Variants in ATG16L1 observed in about 807,000 individuals in gnomAD.
The protein encoded by ATG16L1 is autophagy-related protein 16-1.
A neutral mutation model predicts 88.5 loss-of-function variants in ATG16L1; 37 were observed. That is an observed-to-expected ratio of 0.42 (90% CI 0.32 to 0.55). The LOEUF is 0.55. Ranked by LOEUF, ATG16L1 falls within the 20% of genes least tolerant of loss-of-function variation. The probability of loss-of-function intolerance (pLI) is 0.13; values close to 1 mark genes in which losing one functional copy is unlikely to be tolerated. For missense variants in ATG16L1, 554 were observed against 752.8 expected, an observed-to-expected ratio of 0.74 and a Z score of 3.09; for synonymous variants, 301 against 281.0, an observed-to-expected ratio of 1.07 and a Z score of -0.71.
intron 2 of ATG16L1, among the ~76,000 whole-genome samples, chr2:233,257,999 C>T (rs1696915858): frequency 9.0e-6 from 1 of 110,654 alleles, no homozygotes; most frequent in Non-Finnish European, 1.8e-5. Flanking sequence ...GAGACTCCGT[C>T]TCAAAAAAAA....
chr2:233,274,033 T>C (rs565076810), intron 8 of ATG16L1: 125 of 1,550,672 alleles, frequency 8.1e-5, no homozygotes, highest in Middle Eastern at 1.7e-4. Context: ...CTTCTTCTGA[T>C]GCTGCCAGGT....
rs978478447 is a variant in ATG16L1 at position 233,295,552 on chromosome 2, TAAGTC to T, written c.*1206_*1210del. 12 of 152,750 alleles carry T rather than the reference TAAGTC, an allele frequency of 7.9e-5. No individual in the cohort carries two copies. The highest frequency in any genetic ancestry group is 2.4e-4 in the African/African-American group (10 of 41,430). 9.5% of individuals were successfully genotyped at this position (152,750 alleles called of 1,614,324 possible). ...TTTCCAATTTGCCCTTCAGAGAACT[TAAGTC>T]AAGGAGAGTTGAAATTCACAGGCCA... On this transcript the variant is annotated 3_prime_UTR_variant, in exon 18 of 18. Coordinates refer to ENST00000392017, the MANE Select transcript of ATG16L1 (RefSeq NM_030803.7).
chr2:233,272,977 T>C lies in ATG16L1; in HGVS notation c.719T>C (p.Ile240Thr). Residue 240 changes from isoleucine to threonine, a missense_variant, in exon 7 of 18, where the codon ATT becomes ACT. Coordinates refer to ENST00000392017, the MANE Select transcript of ATG16L1 (RefSeq NM_030803.7). ...GCCTTTCTTTCCAGGGATGATGACA[T>C]TGAGGTCATTGTGGATGAAACTTCT... ...EPLPVEQDDD[I>T]EVIVDETSDH... The C allele has an allele frequency of 6.2e-7, 1 of 1,613,824 alleles. No individual in the cohort carries two copies. Among genetic ancestry groups the C allele is most frequent in the Non-Finnish European group, 8.5e-7 (1 of 1,179,748 alleles).
chr2:233,265,398 A>G (rs549328439), intron 5 of ATG16L1, among the ~76,000 whole-genome samples: 2 of 152,360 alleles, frequency 1.3e-5, no homozygotes, highest in East Asian at 3.9e-4. Flanking sequence ...TGATCTTGCT[A>G]ATGCACAAGA....
At chr2:233,291,626 A>G (rs1422943233) in intron 14 of ATG16L1, among the ~76,000 whole-genome samples, 1 of 152,068 alleles carries the variant, frequency 6.6e-6, no homozygotes, top group Non-Finnish European at 1.5e-5. Flanking sequence ...AAGAAGAGGG[A>G]GGTGCGTAGG....
intron 8 of ATG16L1, 48 bp downstream of exon 8, chr2:233,273,825 G>A: frequency 2.5e-6 from 4 of 1,585,564 alleles, no homozygotes; most frequent in Middle Eastern, 1.7e-4. Flanking sequence ...GTATACCTAA[G>A]TATATGTACA....
At chr2:233,278,086 A>G (rs1043521347) in intron 10 of ATG16L1, among the ~76,000 whole-genome samples, 1 of 152,190 alleles carries the variant, frequency 6.6e-6, no homozygotes, top group Non-Finnish European at 1.5e-5. Context: ...TTTAATGACA[A>G]TTGCAATAGC....
At chr2:233,289,410 A>G (rs934419634) in intron 12 of ATG16L1, among the ~76,000 whole-genome samples, 10 of 40,134 alleles carry the variant, frequency 2.5e-4, no homozygotes, top group African/African-American at 8.0e-4. Context: ...TGTGTGTGTG[A>G]CAGGATCTTG....
At chr2:233,253,332 G>GTTTT (rs570754671) in intron 1 of ATG16L1, among the ~76,000 whole-genome samples, 2,534 of 112,492 alleles carry the variant, frequency 0.023, 262 homozygotes, top group East Asian at 0.042. Flanking sequence ...GTGAGACTGG[G>GTTTT]TTTTTTTGTT....
chr2:233,293,675 C>T (rs3749079), intron 17 of ATG16L1, among the ~76,000 whole-genome samples: 99,713 of 152,030 alleles, frequency 0.66, 32,945 homozygotes, highest in South Asian at 0.78. Context: ...CCTTCCTTTC[C>T]GCCTCCCTGT....
At chr2:233,290,565 C>T (rs1699392555) in intron 14 of ATG16L1, among the ~76,000 whole-genome samples, 1 of 151,952 alleles carries the variant, frequency 6.6e-6, no homozygotes, top group Admixed American at 6.6e-5. Flanking sequence ...GTGCTAGGCC[C>T]TTCACCAGCT....
At chr2:233,253,972 G>A (rs993400626) in intron 1 of ATG16L1, among the ~76,000 whole-genome samples, 4 of 152,176 alleles carry the variant, frequency 2.6e-5, no homozygotes, top group African/African-American at 9.7e-5. Flanking sequence ...ACCCCTCACT[G>A]AACATTTTCA....
intron 16 of ATG16L1, among the ~76,000 whole-genome samples, chr2:233,292,650 A>G (rs532761037): frequency 6.6e-6 from 1 of 152,376 alleles, no homozygotes; most frequent in African/African-American, 2.4e-5. Flanking sequence ...GTACCAAAAA[A>G]TAACAGTTGG....
intron 5 of ATG16L1, 25 bp from the exon 6 acceptor site, chr2:233,269,977 G>C (rs1370282315): frequency 6.8e-7 from 1 of 1,471,000 alleles, no homozygotes; most frequent in Non-Finnish European, 9.2e-7. Flanking sequence ...TAAATGGTGG[G>C]CTTTTTTTTT....
chr2:233,294,338 G>A lies in ATG16L1; in HGVS notation c.1812G>A (p.Trp604Ter). 1 of 1,613,502 alleles carries A rather than the reference G, an allele frequency of 6.2e-7. No homozygotes were observed. Among genetic ancestry groups the A allele is most frequent in the Non-Finnish European group, 8.5e-7 (1 of 1,179,784 alleles). ...ACAAAGGATGCAAAGCTGTGCTGTG[G>A]GCACAGTACTGACGGGGCTCTCAGG... ...SVDKGCKAVL[W>*]AQY The change falls in exon 18 of 18, where the codon TGG (tryptophan) becomes TGA (stop). Residue 604 changes from tryptophan to a stop codon, truncating the protein, a stop_gained. Coordinates refer to ENST00000392017, the MANE Select transcript of ATG16L1 (RefSeq NM_030803.7). LOFTEE classifies it high-confidence loss of function.
intron 12 of ATG16L1, among the ~76,000 whole-genome samples, chr2:233,286,042 A>AC (rs1275718337): frequency 2.7e-5 from 4 of 150,530 alleles, no homozygotes; most frequent in African/African-American, 4.9e-5. Context: ...TTGCTTGAGA[A>AC]CCCCCCTGCC....
chr2:233,266,795 G>A lies in ATG16L1; in HGVS notation c.641+1652G>A, dbSNP rs536357301. On this transcript the variant is annotated intron_variant, in intron 5 of 17. Transcript: ENST00000392017. Reference sequence around the variant, plus strand: ...ACACACACACAATGGAATATTATTCGCTATAAAAATGAATTAAATCATGTT... The same window carrying A: ...ACACACACACAATGGAATATTATTCACTATAAAAATGAATTAAATCATGTT... 4.6e-5 allele frequency among the ~76,000 whole-genome samples: 7 copies of A among 152,206 alleles called. No individual in the cohort carries two copies. In the East Asian group the frequency reaches 1.2e-3, roughly 25 times the overall value.
intron 12 of ATG16L1, among the ~76,000 whole-genome samples, chr2:233,288,123 T>C (rs907809240): frequency 1.3e-5 from 2 of 152,152 alleles, no homozygotes; most frequent in Admixed American, 1.3e-4. Flanking sequence ...TTTCAGAGGT[T>C]TGAATGTGGG....
At chr2:233,284,201 T>C (rs778130665) in intron 12 of ATG16L1, among the ~76,000 whole-genome samples, 23 of 150,692 alleles carry the variant, frequency 1.5e-4, no homozygotes, top group Admixed American at 7.3e-4. Context: ...CAGGCTGGAG[T>C]GCAATGACGT....
Sources: allele counts gnomAD v4.1 joint callset (sites outside exome capture counted in the v4.1 genomes callset), GRCh38; gene constraint gnomAD v4.1.1; transcripts MANE v1.5; gene names NCBI Gene and HGNC (gene_info 2026-07-23, HGNC 2026-07-21).